NRXN1: variants seen among roughly 807,000 people sequenced by gnomAD.
The protein encoded by NRXN1 is neurexin-1.
NRXN1 carries 39 observed loss-of-function variants against 150.9 expected under a neutral mutation model. That is an observed-to-expected ratio of 0.26 (90% CI 0.20 to 0.34). The LOEUF (loss-of-function observed/expected upper bound fraction) is 0.34. Ranked by LOEUF, NRXN1 falls within the 10% of genes least tolerant of loss-of-function variation. NRXN1 has a pLI of 1.00. For synonymous variants in NRXN1, 924 were observed against 757.0 expected (o/e 1.22, Z -3.62); for missense variants, 1,815 against 1,949.9 (o/e 0.93, Z 1.30).
rs1382365089 is a variant in NRXN1, at chr2:50,347,258, G to A, written c.3365-110288C>T. The A allele has an allele frequency of 7.6e-7, 1 of 1,317,890 alleles. No homozygotes were observed. The highest frequency in any genetic ancestry group is 9.9e-7 in the Non-Finnish European group (1 of 1,008,388). The allele number at this position is 1,317,890 out of a possible 1,614,324, so 81.6% of individuals were successfully genotyped here. A position where few individuals can be genotyped will look rare whatever the true frequency, so the allele number is the denominator to read the frequency against. ...CTGCTCCCAGATTTCCAGGGCTCCA[G>A]GTTCTCGAGAGATACTCCCAAAGAG... On this transcript the variant is annotated intron_variant, in intron 17 of 22. Transcript: ENST00000401669. The surrounding 1 kb of genome is among the most constrained non-coding windows in gnomAD (Gnocchi z 4.9).
chr2:50,330,202 G>C (rs2076746609), intron 17 of NRXN1, among the ~76,000 whole-genome samples: 1 of 151,646 alleles, frequency 6.6e-6, no homozygotes, highest in Non-Finnish European at 1.5e-5. Context: ...AATACATAAA[G>C]GCAAACTACT....
chr2:50,332,088 T>G (rs1264085203), intron 17 of NRXN1, among the ~76,000 whole-genome samples: 1 of 152,072 alleles, frequency 6.6e-6, no homozygotes, highest in Non-Finnish European at 1.5e-5. Context: ...TACAGCAAAT[T>G]TTAATAAAAG....
chr2:50,387,349 A>T (rs1228263222), intron 17 of NRXN1, among the ~76,000 whole-genome samples: 1 of 152,084 alleles, frequency 6.6e-6, no homozygotes, highest in Non-Finnish European at 1.5e-5. Flanking sequence ...ATAAGAAAAC[A>T]CCTGAAAAGG....
intron 5 of NRXN1, among the ~76,000 whole-genome samples, chr2:50,645,231 A>C (rs1391896220): frequency 1.3e-5 from 2 of 151,968 alleles, no homozygotes; most frequent in Non-Finnish European, 2.9e-5. Flanking sequence ...AAATCATGTA[A>C]AATTCATATA....
At chr2:50,244,916 A>G (rs2066359921) in intron 17 of NRXN1, among the ~76,000 whole-genome samples, 1 of 151,798 alleles carries the variant, frequency 6.6e-6, no homozygotes, top group Non-Finnish European at 1.5e-5. Flanking sequence ...AAAACCTAAG[A>G]TTATCAGAAA....
chr2:50,755,716 T>A (rs941758625), intron 5 of NRXN1, among the ~76,000 whole-genome samples: 1 of 151,840 alleles, frequency 6.6e-6, no homozygotes, highest in African/African-American at 2.4e-5. Context: ...TCAAATTGGA[T>A]CACACTTTAC....
At chr2:50,735,638 T>C (rs572047044) in intron 5 of NRXN1, among the ~76,000 whole-genome samples, 2 of 152,324 alleles carry the variant, frequency 1.3e-5, no homozygotes, top group South Asian at 4.1e-4. Context: ...ATAAATATCC[T>C]ATTGTAATTT....
chr2:50,960,291 C>G (rs1304017134), intron 2 of NRXN1, among the ~76,000 whole-genome samples: 1 of 151,696 alleles, frequency 6.6e-6, no homozygotes, highest in Non-Finnish European at 1.5e-5. Flanking sequence ...TTTTTCCCAG[C>G]TTTCTTTCTC....
chr2:50,566,689 A>C (rs754081492), intron 8 of NRXN1, among the ~76,000 whole-genome samples: 18 of 152,116 alleles, frequency 1.2e-4, no homozygotes, highest in Non-Finnish European at 2.4e-4. Context: ...CTCCATACTA[A>C]AGCTCAGAGA....
chr2:50,260,184 T>C (rs1240589694), intron 17 of NRXN1, among the ~76,000 whole-genome samples: 3 of 151,856 alleles, frequency 2.0e-5, no homozygotes, highest in Non-Finnish European at 4.4e-5. Context: ...TCTTAGAACA[T>C]AGTGGTCATG....
intron 15 of NRXN1, among the ~76,000 whole-genome samples, chr2:50,491,955 G>A (rs1465574833): frequency 6.6e-6 from 1 of 152,002 alleles, no homozygotes; most frequent in East Asian, 1.9e-4. Flanking sequence ...CTGGGTAATT[G>A]CAAGGATTAA....
chr2:50,761,810 C>A (rs1463050468), intron 5 of NRXN1, among the ~76,000 whole-genome samples: 2 of 151,858 alleles, frequency 1.3e-5, no homozygotes, highest in South Asian at 4.2e-4. Context: ...GGAAGAGGAA[C>A]ATGAAAGAAT....
In NRXN1 at chr2:50,352,771, A is replaced by AAT. The variant is rs1244863006; in HGVS notation, c.3364+112669_3364+112670dup. 4.1e-3 allele frequency among the ~76,000 whole-genome samples: 352 copies of AAT among 85,598 alleles called. 4 individuals are homozygous for AAT. Among genetic ancestry groups the AAT allele is most frequent in the African/African-American group, 0.013 (341 of 27,126 alleles). The allele number at this position is 85,598 out of a possible 152,430, so 56.2% of individuals were successfully genotyped here. Reference sequence around the variant, plus strand: ...GAGCATTGATAATAATAATAATAATAATAATATTATAATAATAATAATAAT... The same window carrying AAT: ...GAGCATTGATAATAATAATAATAATAATATAATATTATAATAATAATAATAAT... On this transcript the variant is annotated intron_variant, in intron 17 of 22. Coordinates refer to ENST00000401669, the MANE Select transcript of NRXN1 (RefSeq NM_001330078.2).
At chr2:50,010,983 A>T (rs1685567896) in intron 21 of NRXN1, among the ~76,000 whole-genome samples, 1 of 152,184 alleles carries the variant, frequency 6.6e-6, no homozygotes, top group Non-Finnish European at 1.5e-5. Flanking sequence ...CTCAATCAAT[A>T]ACTTTGCAAC....
intron 15 of NRXN1, among the ~76,000 whole-genome samples, chr2:50,487,384 G>A (rs2090949216): frequency 1.3e-5 from 2 of 152,164 alleles, no homozygotes; most frequent in Non-Finnish European, 2.9e-5. Flanking sequence ...CCACTTTTAA[G>A]AATGGACACA....
At chr2:50,715,785 T>A (rs1052415589) in intron 5 of NRXN1, among the ~76,000 whole-genome samples, 7 of 152,190 alleles carry the variant, frequency 4.6e-5, no homozygotes, top group African/African-American at 7.2e-5. Flanking sequence ...CCACTTCCTC[T>A]CTGAAGCCCT....
chr2:50,529,170 T>C (rs1325894562), intron 11 of NRXN1, among the ~76,000 whole-genome samples: 1 of 152,228 alleles, frequency 6.6e-6, no homozygotes, highest in African/African-American at 2.4e-5. Flanking sequence ...TGTTTTGTTT[T>C]TAAATTTTAT....
chr2:50,649,824 T>G (rs1685348918), intron 5 of NRXN1, among the ~76,000 whole-genome samples: 1 of 152,002 alleles, frequency 6.6e-6, no homozygotes, highest in African/African-American at 2.4e-5. Context: ...GTTCAATGAT[T>G]AGGGGCTGAT....
chr2:50,088,779 G>A (rs1699155164), intron 19 of NRXN1, among the ~76,000 whole-genome samples: 1 of 151,952 alleles, frequency 6.6e-6, no homozygotes, highest in South Asian at 2.1e-4. Flanking sequence ...TAATTAATAA[G>A]TACTGCCTCA....
Sources: gnomAD v4.1 joint callset for allele counts (sites outside exome capture counted in the v4.1 genomes callset) on GRCh38, gnomAD v4.1.1 for gene constraint, Gnocchi (gnomAD v3.1) non-coding constraint, MANE v1.5 for transcripts, NCBI Gene and HGNC (gene_info 2026-07-23, HGNC 2026-07-21) for gene names.